The following ATRNL1 variants were observed in gnomAD, a reference collection of about 807,000 sequenced individuals.
ATRNL1 encodes the protein attractin like 1.
Under a neutral mutation model 182.7 loss-of-function variants are expected in ATRNL1, and 95 were observed. The observed-to-expected ratio is 0.52, with a 90% CI of 0.44 to 0.62. The LOEUF (loss-of-function observed/expected upper bound fraction) is 0.62, where lower values mean the gene tolerates loss of function less well. ATRNL1 is among the 20% of genes least tolerant of loss of function. ATRNL1 has a pLI of 0.00. For missense variants in ATRNL1, 1,471 were observed against 1,679.5 expected (o/e 0.88, Z 2.17); for synonymous variants, 576 against 568.3 (o/e 1.01, Z -0.19).
intron 8 of ATRNL1, among the ~76,000 whole-genome samples, chr10:115,182,191 G>T (rs1430251198): frequency 1.3e-5 from 2 of 151,266 alleles, no homozygotes; most frequent in Non-Finnish European, 3.0e-5. Context: ...CTTTTTTCTT[G>T]TGTAAATTAC....
intron 25 of ATRNL1, among the ~76,000 whole-genome samples, chr10:115,522,380 C>T (rs1205220687): frequency 7.9e-5 from 12 of 152,066 alleles, no homozygotes; most frequent in African/African-American, 2.9e-4. Context: ...CAGCCAGAGA[C>T]TCCTTTAAAC....
At chr10:115,864,635 G>A (rs1213154370) in intron 28 of ATRNL1, among the ~76,000 whole-genome samples, 1 of 152,152 alleles carries the variant, frequency 6.6e-6, no homozygotes, top group Non-Finnish European at 1.5e-5. Context: ...GCATGGAGAA[G>A]AGCAAAATAT....
chr10:115,189,882 C>A (rs1320658486), intron 8 of ATRNL1, among the ~76,000 whole-genome samples: 2 of 152,106 alleles, frequency 1.3e-5, no homozygotes, highest in African/African-American at 4.8e-5. Context: ...TCCAGTCCTG[C>A]AAGCTTCATT....
intron 13 of ATRNL1, among the ~76,000 whole-genome samples, chr10:115,271,082 T>TA (rs1169995010): frequency 6.6e-6 from 1 of 151,908 alleles, no homozygotes; most frequent in Admixed American, 6.6e-5. Flanking sequence ...TACTATGATG[T>TA]AAAATCAACA....
chr10:115,763,631 G>C (rs1593183930), intron 27 of ATRNL1, among the ~76,000 whole-genome samples: 1 of 152,006 alleles, frequency 6.6e-6, no homozygotes, highest in Non-Finnish European at 1.5e-5. Context: ...GACAGTGGGG[G>C]ACTGGAGAAG....
intron 26 of ATRNL1, among the ~76,000 whole-genome samples, chr10:115,581,024 C>G (rs1855036842): frequency 6.6e-6 from 1 of 152,100 alleles, no homozygotes; most frequent in African/African-American, 2.4e-5. Context: ...AGCTTTATTT[C>G]ACTAAGGCTG....
intron 18 of ATRNL1, among the ~76,000 whole-genome samples, chr10:115,332,047 C>T (rs782551394): frequency 2.6e-5 from 4 of 152,140 alleles, no homozygotes; most frequent in Non-Finnish European, 5.9e-5. Flanking sequence ...CCATAGGTGG[C>T]CTCAGGTGGT....
chr10:115,403,203 T>C (rs993415956), intron 20 of ATRNL1, among the ~76,000 whole-genome samples: 4 of 151,320 alleles, frequency 2.6e-5, no homozygotes, highest in African/African-American at 9.8e-5. Context: ...CTAGGGACTT[T>C]AGATTTTTAA....
intron 18 of ATRNL1, among the ~76,000 whole-genome samples, chr10:115,329,023 T>C (rs1554934255): frequency 1.3e-5 from 2 of 151,716 alleles, no homozygotes; most frequent in Non-Finnish European, 3.0e-5. Flanking sequence ...TATATTTTTA[T>C]TTTTTTTGAG....
intron 25 of ATRNL1, among the ~76,000 whole-genome samples, chr10:115,535,856 A>AATACCCTGCTGT (rs1851953967): frequency 3.3e-5 from 5 of 151,938 alleles, no homozygotes; most frequent in African/African-American, 1.2e-4. Flanking sequence ...GGTCTGTTGG[A>AATACCCTGCTGT]GTTTGCTAGA....
chr10:115,849,559 G>C (rs1268804902), intron 28 of ATRNL1, among the ~76,000 whole-genome samples: 1 of 152,148 alleles, frequency 6.6e-6, no homozygotes. Flanking sequence ...CCTCAGCTGT[G>C]TTTTCTAACA....
At chr10:115,779,457 C>T (rs781877884) in intron 27 of ATRNL1, among the ~76,000 whole-genome samples, 47 of 152,162 alleles carry the variant, frequency 3.1e-4, no homozygotes, top group Non-Finnish European at 5.0e-4. Context: ...ATGTCACTCA[C>T]ATATCTGGTC....
At chr10:115,159,948 G>A in intron 5 of ATRNL1, 92 bp from the exon 6 acceptor site, 1 of 914,292 alleles carries the variant, frequency 1.1e-6, no homozygotes, top group South Asian at 2.6e-5. Flanking sequence ...GATAAACATT[G>A]AATTCTTAAA....
At chr10:115,644,093 A>G (rs1859445415) in intron 26 of ATRNL1, among the ~76,000 whole-genome samples, 1 of 152,136 alleles carries the variant, frequency 6.6e-6, no homozygotes, top group Non-Finnish European at 1.5e-5. Context: ...ATATAAACAA[A>G]GTGTAGTATG....
chr10:115,863,924 G>C (rs1311312400), intron 28 of ATRNL1, among the ~76,000 whole-genome samples: 3 of 152,190 alleles, frequency 2.0e-5, no homozygotes, highest in Non-Finnish European at 4.4e-5. Context: ...GAGCCAACCT[G>C]AAGGAGCAGC....
intron 26 of ATRNL1, among the ~76,000 whole-genome samples, chr10:115,707,303 G>T (rs1417311599): frequency 6.6e-6 from 1 of 151,620 alleles, no homozygotes; most frequent in African/African-American, 2.4e-5. Flanking sequence ...TTATAGAAAA[G>T]TTCAGAAAAT....
intron 10 of ATRNL1, among the ~76,000 whole-genome samples, chr10:115,242,479 A>G (rs1322026108): frequency 6.6e-6 from 1 of 151,980 alleles, no homozygotes; most frequent in Non-Finnish European, 1.5e-5. Context: ...TATTTAAAAT[A>G]TACTTATCAG....
chr10:115,178,099 AGT>A (rs1847604253), intron 8 of ATRNL1, among the ~76,000 whole-genome samples: 1 of 144,834 alleles, frequency 6.9e-6, no homozygotes, highest in Admixed American at 6.8e-5. Context: ...TTGTATTTTT[AGT>A]AGAGATGGGG....
intron 26 of ATRNL1, among the ~76,000 whole-genome samples, chr10:115,689,572 G>A (rs1340647045): frequency 1.3e-5 from 2 of 152,154 alleles, no homozygotes; most frequent in African/African-American, 4.8e-5. Context: ...CCCCAGAACA[G>A]CATACACTGG....
Sources: gnomAD v4.1 joint callset for allele counts (sites outside exome capture counted in the v4.1 genomes callset) on GRCh38, gnomAD v4.1.1 for gene constraint, MANE v1.5 for transcripts, NCBI Gene and HGNC (gene_info 2026-07-23, HGNC 2026-07-21) for gene names.